Variants in CNTNAP3B observed in about 807,000 individuals in gnomAD.
The protein encoded by CNTNAP3B is contactin associated protein family member 3B.
Under a neutral mutation model 108.9 loss-of-function variants are expected in CNTNAP3B, and 25 were observed. That is an observed-to-expected ratio of 0.23 (90% CI 0.17 to 0.32). CNTNAP3B has a LOEUF of 0.32. CNTNAP3B is among the 10% of genes least tolerant of loss of function. CNTNAP3B has a pLI of 1.00. For missense variants in CNTNAP3B, 252 were observed against 1,210.4 expected (o/e 0.21, Z 11.75); for synonymous variants, 103 against 473.4 (o/e 0.22, Z 10.16).
At position 42,035,464 on chromosome 9, in the gene CNTNAP3B, T is replaced by C. The variant is rs1027772219; in HGVS notation, c.391-21939A>G. Among the ~76,000 whole-genome samples, 8 of 145,544 alleles carry C rather than the reference T, an allele frequency of 5.5e-5. 1 individual carries two copies. Among genetic ancestry groups the C allele is most frequent in the African/African-American group, 7.8e-5 (3 of 38,418 alleles). On this transcript the variant is annotated intron_variant, in intron 3 of 23. Coordinates refer to ENST00000377561, the MANE Select transcript of CNTNAP3B (RefSeq NM_001201380.3). The stretch of plus-strand genomic sequence containing the variant: ...TTTTAAGATAAAATCACTCAGAAGA[T>C]CTTGGGGGTTAATAATAAAGACTCT...
intron 11 of CNTNAP3B, among the ~76,000 whole-genome samples, chr9:41,961,155 C>G (rs1693069): frequency 6.6e-6 from 1 of 152,304 alleles, no homozygotes; most frequent in Non-Finnish European, 1.5e-5. Flanking sequence ...AATAAATATT[C>G]GGTCACAGTG....
intron 15 of CNTNAP3B, among the ~76,000 whole-genome samples, chr9:41,924,662 C>T (rs1286835375): frequency 3.0e-4 from 45 of 150,094 alleles, no homozygotes; most frequent in Admixed American, 5.3e-4. Flanking sequence ...CACACACACA[C>T]ACACACACAC....
chr9:41,986,367 T>G (rs1331057362), intron 8 of CNTNAP3B, 56 bp from the exon 9 acceptor site: 1 of 948,108 alleles, frequency 1.1e-6, no homozygotes, highest in African/African-American at 1.8e-5. Context: ...CTGTAAACAC[T>G]TGAAAACAAT....
chr9:41,955,859 C>G (rs1283001978), intron 12 of CNTNAP3B, among the ~76,000 whole-genome samples: 5 of 152,260 alleles, frequency 3.3e-5, no homozygotes, highest in Non-Finnish European at 7.3e-5. Context: ...ACAGATGTTC[C>G]TCAATTTATG....
chr9:41,950,783 C>G (rs940466703), intron 13 of CNTNAP3B, among the ~76,000 whole-genome samples: 2 of 97,898 alleles, frequency 2.0e-5, no homozygotes, highest in African/African-American at 8.0e-5. Context: ...TGAGACGGAA[C>G]GGAGTCTTGC....
chr9:41,931,180 A>G (rs1404785405), intron 14 of CNTNAP3B, among the ~76,000 whole-genome samples: 1 of 152,286 alleles, frequency 6.6e-6, no homozygotes, highest in East Asian at 1.9e-4. Context: ...GGCTTTCTGA[A>G]TTAAAAAAAA....
At chr9:41,928,403 C>T (rs1823878589) in intron 15 of CNTNAP3B, among the ~76,000 whole-genome samples, 1 of 152,010 alleles carries the variant, frequency 6.6e-6, no homozygotes, top group African/African-American at 2.4e-5. Flanking sequence ...GTCCGGGACT[C>T]CTTCATCAAG....
chr9:42,060,169 T>C (rs1209490938), intron 3 of CNTNAP3B, among the ~76,000 whole-genome samples: 2 of 139,244 alleles, frequency 1.4e-5, no homozygotes, highest in Non-Finnish European at 3.1e-5. Context: ...TTGTCATATG[T>C]GACCCTTATT....
At chr9:41,941,800 C>T (rs946316898) in intron 13 of CNTNAP3B, among the ~76,000 whole-genome samples, 26 of 150,746 alleles carry the variant, frequency 1.7e-4, no homozygotes, top group African/African-American at 5.9e-4. Context: ...GGACAAGCTA[C>T]AGAGATTGAA....
intron 13 of CNTNAP3B, among the ~76,000 whole-genome samples, chr9:41,948,111 A>C (rs1211181018): frequency 6.6e-6 from 1 of 150,842 alleles, no homozygotes; most frequent in Non-Finnish European, 1.5e-5. Context: ...TTTATTTTTG[A>C]GATGAAATCT....
intron 3 of CNTNAP3B, among the ~76,000 whole-genome samples, chr9:42,031,123 A>G (rs1456282748): frequency 3.7e-5 from 3 of 80,640 alleles, no homozygotes; most frequent in African/African-American, 1.6e-4. Context: ...TATCCTTTTC[A>G]TGATTTTTTT....
At chr9:41,924,246 G>A (rs1207295989) in intron 15 of CNTNAP3B, among the ~76,000 whole-genome samples, 153 bp from the exon 16 acceptor site, 1,253 of 151,290 alleles carry the variant, frequency 8.3e-3, no homozygotes, top group South Asian at 0.029. Context: ...GTCATATACT[G>A]ATGACATCAA....
chr9:41,944,529 T>G (rs970229700), intron 13 of CNTNAP3B, among the ~76,000 whole-genome samples: 2 of 152,282 alleles, frequency 1.3e-5, no homozygotes, highest in African/African-American at 2.4e-5. Flanking sequence ...CTAAAACAAT[T>G]ACCAAGAAAT....
rs540798557 is a variant in CNTNAP3B, at chr9:42,124,882, T to A, written c.85+4128A>T. 7.4e-4 allele frequency among the ~76,000 whole-genome samples: 103 copies of A among 138,730 alleles called. 22 individuals carry two copies. The highest frequency in any genetic ancestry group is 2.9e-3 in the African/African-American group (101 of 34,890). 91.0% of individuals were successfully genotyped at this position (138,730 alleles called of 152,430 possible). A position where few individuals can be genotyped will look rare whatever the true frequency, so the allele number is the denominator to read the frequency against. ...TCTCATAATTGTTTTTTTTTCAGCC[T>A]CTTTATTTTTAATCTACATCTCTTA... On this transcript the variant is annotated intron_variant, in intron 1 of 23. Coordinates refer to ENST00000377561, the MANE Select transcript of CNTNAP3B (RefSeq NM_001201380.3).
At chr9:42,060,964 AC>A (rs1202847372) in intron 3 of CNTNAP3B, among the ~76,000 whole-genome samples, 2 of 86,010 alleles carry the variant, frequency 2.3e-5, no homozygotes, top group African/African-American at 1.0e-4. Context: ...TTAAAACCTG[AC>A]TTTTATGGAT....
chr9:41,962,812 A>G (rs1447049156), intron 11 of CNTNAP3B, among the ~76,000 whole-genome samples: 2 of 152,218 alleles, frequency 1.3e-5, no homozygotes, highest in South Asian at 4.1e-4. Flanking sequence ...AAAATTAGCC[A>G]GGCGTGGTGG....
intron 3 of CNTNAP3B, among the ~76,000 whole-genome samples, chr9:42,046,416 G>C (rs1303997426): frequency 8.5e-6 from 1 of 116,990 alleles, no homozygotes; most frequent in Admixed American, 8.8e-5. Context: ...GAGGGAAGAT[G>C]TATAGATATC....
At chr9:42,078,956 T>C (rs1439895132) in intron 2 of CNTNAP3B, among the ~76,000 whole-genome samples, 1 of 151,122 alleles carries the variant, frequency 6.6e-6, no homozygotes, top group African/African-American at 2.5e-5. Context: ...TTGAGAACTC[T>C]AGGTCAGGCA....
chr9:41,966,227 T>A (rs1356070736), intron 10 of CNTNAP3B, among the ~76,000 whole-genome samples: 25 of 152,280 alleles, frequency 1.6e-4, no homozygotes, highest in Non-Finnish European at 3.1e-4. Flanking sequence ...TGGAGCATCT[T>A]AAGATCATAC....
Sources: gnomAD v4.1 joint callset for allele counts (sites outside exome capture counted in the v4.1 genomes callset) on GRCh38, gnomAD v4.1.1 for gene constraint, MANE v1.5 for transcripts, NCBI Gene and HGNC (gene_info 2026-07-23, HGNC 2026-07-21) for gene names.